The following CAP2 variants were observed in gnomAD, a reference collection of about 807,000 sequenced individuals.
CAP2 encodes the protein cyclase associated actin cytoskeleton regulatory protein 2.
CAP2 carries 24 observed loss-of-function variants against 57.7 expected under a neutral mutation model. The ratio of observed to expected loss-of-function variants is 0.42; its 90% confidence interval spans 0.30 to 0.58. The LOEUF (loss-of-function observed/expected upper bound fraction) is 0.58. Ranked by LOEUF, CAP2 falls within the 20% of genes least tolerant of loss-of-function variation. The pLI is 0.22. For missense variants in CAP2, 501 were observed against 590.3 expected, an observed-to-expected ratio of 0.85 and a Z score of 1.57; for synonymous variants, 194 against 207.2, an observed-to-expected ratio of 0.94 and a Z score of 0.55.
In CAP2 at chr6:17,543,065, C is replaced by T. The variant is rs1430086199; in HGVS notation, c.1131C>T (p.Asn377=). ...TTGTGTTTTTTCTCCCCACAGACAA[C>T]TGTAAAAAACTCGGCCTGGTGTTTG... ...KGKVNSIIID[N]CKKLGLVFDN... The change falls in exon 11 of 13, where the codon AAC becomes AAT. Residue 377 remains asparagine, a synonymous_variant. Coordinates refer to ENST00000229922, the MANE Select transcript of CAP2 (RefSeq NM_006366.3). The T allele has an allele frequency of 6.2e-7, 1 of 1,613,904 alleles. No homozygotes were observed. The highest frequency in any genetic ancestry group is 8.5e-7 in the Non-Finnish European group (1 of 1,179,804).
At chr6:17,419,184 T>C (rs1327214972) in intron 1 of CAP2, among the ~76,000 whole-genome samples, 1 of 152,218 alleles carries the variant, frequency 6.6e-6, no homozygotes, top group Non-Finnish European at 1.5e-5. Flanking sequence ...GTCATCACTG[T>C]GTTTAAGCTC....
intron 7 of CAP2, among the ~76,000 whole-genome samples, chr6:17,526,019 T>G (rs1762496616): frequency 6.6e-6 from 1 of 152,138 alleles, no homozygotes; most frequent in Non-Finnish European, 1.5e-5. Context: ...ACACATTTGC[T>G]AAATCCACTG....
At chr6:17,540,295 T>G (rs1561821488) in intron 8 of CAP2, among the ~76,000 whole-genome samples, 1 of 152,152 alleles carries the variant, frequency 6.6e-6, no homozygotes, top group East Asian at 1.9e-4. Context: ...TGATATATAC[T>G]CACTGGAATG....
intron 7 of CAP2, among the ~76,000 whole-genome samples, chr6:17,515,418 G>A (rs762937927): frequency 6.6e-5 from 10 of 152,054 alleles, no homozygotes; most frequent in African/African-American, 2.4e-4. Flanking sequence ...GGTACACGTG[G>A]ACATAAAGAC....
intron 1 of CAP2, among the ~76,000 whole-genome samples, chr6:17,406,394 A>ATTTTTTTTTTTTTTTTTTTT (rs1335180213): frequency 3.3e-5 from 3 of 91,962 alleles, no homozygotes; most frequent in African/African-American, 1.8e-4. Flanking sequence ...GTAAGCCCAG[A>ATTTTTTTTTTTTTTTTTTTT]TTTCTTTTTT....
intron 3 of CAP2, among the ~76,000 whole-genome samples, chr6:17,434,949 A>G (rs1374483036): frequency 1.4e-5 from 2 of 145,466 alleles, no homozygotes; most frequent in Admixed American, 7.0e-5. Flanking sequence ...ATCACTGGCC[A>G]TCAGAGAAAT....
At chr6:17,484,240 A>G (rs974848918) in intron 4 of CAP2, among the ~76,000 whole-genome samples, 4 of 152,076 alleles carry the variant, frequency 2.6e-5, no homozygotes, top group Admixed American at 1.3e-4. Context: ...TGTTGTGGGC[A>G]GAGAAAGATA....
chr6:17,414,524 G>A (rs1288169118), intron 1 of CAP2, among the ~76,000 whole-genome samples: 1 of 152,086 alleles, frequency 6.6e-6, no homozygotes, highest in Non-Finnish European at 1.5e-5. Context: ...CTGTTCCTGT[G>A]TTAGTTTGCT....
intron 3 of CAP2, among the ~76,000 whole-genome samples, chr6:17,459,615 A>C (rs1434275228): frequency 2.0e-5 from 3 of 152,236 alleles, no homozygotes; most frequent in Non-Finnish European, 4.4e-5. Flanking sequence ...ACAAGATTAT[A>C]AAAAGTATTT....
rs570640885 is a variant in CAP2, at chr6:17,441,472, A to G, written c.222+14782A>G. 6.3e-4 allele frequency among the ~76,000 whole-genome samples: 95 copies of G among 151,618 alleles called. 1 individual carries two copies. The highest frequency in any genetic ancestry group is 6.8e-3 in the Middle Eastern group (2 of 294). The stretch of plus-strand genomic sequence containing the variant: ...AGGCTTATTTCAGATCCTCTGTCCA[A>G]ATGAAAACAAAATTGTCGTTTTTAC... On this transcript the variant is annotated intron_variant, in intron 3 of 12. Coordinates refer to ENST00000229922, the MANE Select transcript of CAP2 (RefSeq NM_006366.3).
intron 2 of CAP2, among the ~76,000 whole-genome samples, chr6:17,422,974 A>G (rs187123300): frequency 1.3e-3 from 197 of 152,340 alleles, no homozygotes; most frequent in African/African-American, 4.4e-3. Context: ...CACCTACAGC[A>G]AACATTTATT....
At chr6:17,443,282 G>A (rs1760145141) in intron 3 of CAP2, among the ~76,000 whole-genome samples, 1 of 152,000 alleles carries the variant, frequency 6.6e-6, no homozygotes, top group Admixed American at 6.6e-5. Flanking sequence ...GCTTTTAGAG[G>A]ATTGTTTCCA....
chr6:17,402,754 G>A (rs1758849579), intron 1 of CAP2, among the ~76,000 whole-genome samples: 1 of 152,194 alleles, frequency 6.6e-6, no homozygotes, highest in Non-Finnish European at 1.5e-5. Flanking sequence ...TTGCATGTCT[G>A]TATGACTTGC....
intron 1 of CAP2, among the ~76,000 whole-genome samples, chr6:17,406,294 C>T (rs982476208): frequency 6.6e-6 from 1 of 152,042 alleles, no homozygotes; most frequent in African/African-American, 2.4e-5. Flanking sequence ...GGGCCATCCT[C>T]AGGACAGAGT....
chr6:17,447,861 G>A (rs1434500854), intron 3 of CAP2, among the ~76,000 whole-genome samples: 1 of 152,216 alleles, frequency 6.6e-6, no homozygotes, highest in African/African-American at 2.4e-5. Context: ...GGTAAGTTGG[G>A]AATGGCTATG....
intron 3 of CAP2, among the ~76,000 whole-genome samples, chr6:17,453,818 T>C (rs1244468211): frequency 6.6e-6 from 1 of 152,116 alleles, no homozygotes; most frequent in Non-Finnish European, 1.5e-5. Context: ...TCTCCAGGTC[T>C]TGATTGCTTT....
At chr6:17,468,295 A>G (rs1349339975) in intron 4 of CAP2, among the ~76,000 whole-genome samples, 3 of 152,306 alleles carry the variant, frequency 2.0e-5, no homozygotes, top group Admixed American at 6.5e-5. Flanking sequence ...CACTTTGGCA[A>G]TGAGGAAACA....
At chr6:17,419,086 C>T (rs1004917402) in intron 1 of CAP2, among the ~76,000 whole-genome samples, 1 of 152,154 alleles carries the variant, frequency 6.6e-6, no homozygotes, top group African/African-American at 2.4e-5. Flanking sequence ...CCCTCCATAG[C>T]TGATGACCAT....
In CAP2 at chr6:17,426,099, C is replaced by A. The variant is rs182672405; in HGVS notation, c.122-491C>A. Among the ~76,000 whole-genome samples, 1,310 of 151,670 alleles carry A rather than the reference C, an allele frequency of 8.6e-3. 18 individuals are homozygous for A. The highest frequency in any genetic ancestry group is 0.029 in the African/African-American group (1,188 of 41,338). Reference sequence around the variant, plus strand: ...GACAGTGAGACCCTGTCTCAAAAAACAAACAAACAAACAAACAAAAAAACC... The same window carrying A: ...GACAGTGAGACCCTGTCTCAAAAAAAAAACAAACAAACAAACAAAAAAACC... On this transcript the variant is annotated intron_variant, in intron 2 of 12. Coordinates refer to ENST00000229922, the MANE Select transcript of CAP2 (RefSeq NM_006366.3).
Sources: allele counts gnomAD v4.1 joint callset (sites outside exome capture counted in the v4.1 genomes callset), GRCh38; gene constraint gnomAD v4.1.1; transcripts MANE v1.5; gene names NCBI Gene and HGNC (gene_info 2026-07-23, HGNC 2026-07-21).